INAVA: variants seen among roughly 807,000 people sequenced by gnomAD.
INAVA encodes innate immunity activator.
In INAVA, 32 loss-of-function variants were observed where a neutral mutation model predicts 55.3. The ratio of observed to expected loss-of-function variants is 0.58; its 90% CI spans 0.44 to 0.78. The LOEUF (loss-of-function observed/expected upper bound fraction) is 0.78. Among genes scored for constraint, INAVA ranks in the 30% least tolerant of loss-of-function variants. The pLI is 0.00. For missense variants in INAVA, 756 were observed against 786.4 expected (o/e 0.96, Z 0.46); for synonymous variants, 294 against 329.4 (o/e 0.89, Z 1.16).
At chr1:200,902,192 C>T (rs985302581) in intron 5 of INAVA, among the ~76,000 whole-genome samples, 1 of 152,226 alleles carries the variant, frequency 6.6e-6, no homozygotes, top group Admixed American at 6.5e-5. Flanking sequence ...CCCTGCATAT[C>T]GTGTTGGCTT....
chr1:200,911,973 G>T lies in INAVA; in HGVS notation c.1480G>T (p.Gly494Trp). The change falls in exon 9 of 10, where the codon GGG becomes TGG. Residue 494 changes from glycine to tryptophan, a missense_variant. Coordinates refer to ENST00000413687, the MANE Select transcript of INAVA (RefSeq NM_001142569.3). ...CCTGAAGGACAGCCCGGCAGGCCGG[G>T]GGCTCAGCAAGGCCGCCGTGTCCGA... Reference protein sequence around the residue: ...PSLKDSPAGRGLSKAAVSEEL... With the variant: ...PSLKDSPAGRWLSKAAVSEEL... 1.3e-6 allele frequency: 2 copies of T among 1,533,424 alleles called. No homozygotes were observed. Among genetic ancestry groups the T allele is most frequent in the South Asian group, 1.2e-5 (1 of 83,172 alleles). 95.0% of individuals were successfully genotyped at this position (1,533,424 alleles called of 1,614,324 possible).
rs1309057485 is a variant in INAVA, at chr1:200,909,278, G to A, written c.840G>A (p.Leu280=). ...DGPSASSLWL[L]EPASYHVVPI... ...CCAGTGCCTCCAGCCTGTGGCTTCT[G>A]GAGCCTGCCTCCTACCACGTGGTTC... is the stretch of plus-strand genomic sequence containing the variant. The change falls in exon 8 of 10, where the codon CTG becomes CTA. Residue 280 remains leucine, a synonymous_variant. Transcript: ENST00000413687. The A allele has an allele frequency of 6.2e-7, 1 of 1,610,274 alleles. No individual in the cohort carries two copies. Among genetic ancestry groups the A allele is most frequent in the Non-Finnish European group, 8.5e-7 (1 of 1,177,780 alleles).
At chr1:200,895,381 C>T (rs202209859) in intron 1 of INAVA, among the ~76,000 whole-genome samples, 5 of 152,072 alleles carry the variant, frequency 3.3e-5, no homozygotes, top group African/African-American at 4.8e-5. Flanking sequence ...CCCCATGGCC[C>T]GGCCTGAGGG....
At chr1:200,899,115 GGGGAGA>G (rs1399191102) in intron 2 of INAVA, among the ~76,000 whole-genome samples, 1 of 151,978 alleles carries the variant, frequency 6.6e-6, no homozygotes, top group Non-Finnish European at 1.5e-5. Flanking sequence ...GAGGGGTAGT[GGGGAGA>G]GGGAGAGAGA....
Position 200,914,443 on chromosome 1 carries a change from T to A in INAVA, c.*814T>A, listed in dbSNP as rs1401853082. 1 of 152,332 alleles carries A rather than the reference T, an allele frequency of 6.6e-6. No homozygotes were observed. The highest frequency in any genetic ancestry group is 1.5e-5 in the Non-Finnish European group (1 of 68,120). The allele number at this position is 152,332 out of a possible 1,614,324, so 9.4% of individuals were successfully genotyped here. The stretch of plus-strand genomic sequence containing the variant: ...GCATCTCAAGGGCTTGCAGCCCCAC[T>A]GCTCCTTCTAACATTTTGTTTGTTT... On this transcript the variant is annotated 3_prime_UTR_variant, in exon 10 of 10. Coordinates refer to ENST00000413687, the MANE Select transcript of INAVA (RefSeq NM_001142569.3).
chr1:200,911,385 C>A, intron 8 of INAVA, 68 bp from the exon 9 acceptor site: 2 of 1,449,390 alleles, frequency 1.4e-6, no homozygotes, highest in Non-Finnish European at 1.9e-6. Context: ...TTAACTCCAC[C>A]TCCCGCCCCA....
At chr1:200,908,679 G>A (rs757166000) in intron 6 of INAVA, 51 bp from the exon 7 acceptor site, 5 of 1,459,856 alleles carry the variant, frequency 3.4e-6, no homozygotes, top group Admixed American at 4.7e-5. Flanking sequence ...GGTTCTTGTT[G>A]GGCCGGTTCC....
At chr1:200,895,704 G>T (rs948213292) in intron 1 of INAVA, among the ~76,000 whole-genome samples, 1 of 152,148 alleles carries the variant, frequency 6.6e-6, no homozygotes, top group Non-Finnish European at 1.5e-5. Flanking sequence ...CAGATGTGAG[G>T]GTCCGCTATG....
intron 5 of INAVA, chr1:200,906,428 AGAATCGCTT>A (rs1180316765): frequency 6.6e-6 from 1 of 151,452 alleles, no homozygotes; most frequent in Non-Finnish European, 1.5e-5. Context: ...CTGAGGCAGG[AGAATCGCTT>A]GAACCTGGGA....
In INAVA at chr1:200,914,151, T is replaced by C. The variant is rs1399630315; in HGVS notation, c.*522T>C. 6.3e-6 allele frequency: 1 copy of C among 157,794 alleles called. No homozygotes were observed. Among genetic ancestry groups the C allele is most frequent in the East Asian group, 1.8e-4 (1 of 5,458 alleles). 9.8% of individuals were successfully genotyped at this position (157,794 alleles called of 1,614,324 possible). The stretch of plus-strand genomic sequence containing the variant: ...GGAGAATCTCTTCCCCCTTTTCTAA[T>C]GTGCTCTGTGATGCACACACCAAGT... On this transcript the variant is annotated 3_prime_UTR_variant, in exon 10 of 10. Coordinates refer to ENST00000413687, the MANE Select transcript of INAVA (RefSeq NM_001142569.3).
chr1:200,896,642 T>C, intron 1 of INAVA, among the ~76,000 whole-genome samples: 1 of 152,214 alleles, frequency 6.6e-6, no homozygotes, highest in East Asian at 1.9e-4. Flanking sequence ...TTGTGTTTGA[T>C]TGTTGCTGCC....
chr1:200,892,126 C>T (rs1668250922), upstream of INAVA, among the ~76,000 whole-genome samples: 1 of 152,264 alleles, frequency 6.6e-6, no homozygotes, highest in Non-Finnish European at 1.5e-5. Flanking sequence ...TTAGTGGAGG[C>T]GAACACCTTT....
intron 3 of INAVA, among the ~76,000 whole-genome samples, chr1:200,899,819 T>TCTGTG: frequency 6.6e-6 from 1 of 152,234 alleles, no homozygotes; most frequent in South Asian, 2.1e-4. Flanking sequence ...AGAACAAAGT[T>TCTGTG]CATCAGGGGC....
At chr1:200,909,047 G>T in intron 7 of INAVA, 107 bp downstream of exon 7, 2 of 1,342,928 alleles carry the variant, frequency 1.5e-6, no homozygotes, top group African/African-American at 1.5e-5. Context: ...AAAGGTGGAG[G>T]AGAGAGCTCC....
chr1:200,906,588 T>C (rs895227634), intron 5 of INAVA: 2 of 151,980 alleles, frequency 1.3e-5, no homozygotes, highest in African/African-American at 2.4e-5. Context: ...GAGTTCCCTC[T>C]GATTTCTTAG....
chr1:200,900,945 A>T lies in INAVA; in HGVS notation c.306A>T (p.Leu102=), dbSNP rs1173260134. ...CCTGCCCCCTCTCTCAGGACCCCCT[A>T]AGCAGCCTGGAGCGCCAGCTGGCCC... The part of the protein sequence containing the change: ...DDWALHREDP[L]SSLERQLALQ... Residue 102 remains leucine, a synonymous_variant, in exon 5 of 10, where the codon CTA becomes CTT. Transcript: ENST00000413687. 1.9e-6 allele frequency: 3 copies of T among 1,549,382 alleles called. No individual in the cohort carries two copies. In the East Asian group the frequency reaches 7.3e-5, roughly 38 times the overall value.
At chr1:200,895,725 G>A (rs1668333747) in intron 1 of INAVA, among the ~76,000 whole-genome samples, 1 of 152,158 alleles carries the variant, frequency 6.6e-6, no homozygotes, top group East Asian at 1.9e-4. Context: ...TGGCTGTACG[G>A]GTTTCCTTCT....
At chr1:200,910,426 A>G (rs1349055421) in intron 8 of INAVA, among the ~76,000 whole-genome samples, 1 of 152,218 alleles carries the variant, frequency 6.6e-6, no homozygotes, top group Non-Finnish European at 1.5e-5. Context: ...TTAAATGGCT[A>G]AGCGTTGACA....
At chr1:200,912,687 G>A (rs1463609241) in intron 9 of INAVA, among the ~76,000 whole-genome samples, 6 of 152,164 alleles carry the variant, frequency 3.9e-5, no homozygotes, top group Admixed American at 2.6e-4. Context: ...TGCCACTTAC[G>A]AGCTGTATGA....
Sources: allele counts gnomAD v4.1 joint callset (sites outside exome capture counted in the v4.1 genomes callset), GRCh38; gene constraint gnomAD v4.1.1; transcripts MANE v1.5; gene names NCBI Gene and HGNC (gene_info 2026-07-23, HGNC 2026-07-21).